Variants in LTV1 observed in about 807,000 individuals in gnomAD.
LTV1 encodes the protein LTV1 ribosome biogenesis factor.
LTV1 carries 39 observed loss-of-function variants against 59.9 expected under a neutral mutation model. The observed-to-expected ratio is 0.65, with a 90% CI of 0.50 to 0.85. The LOEUF (loss-of-function observed/expected upper bound fraction) is 0.85, where lower values mean the gene tolerates loss of function less well. LTV1 is among the 40% of genes least tolerant of loss of function. The pLI is 0.00. For missense variants in LTV1, 493 were observed against 549.1 expected (o/e 0.90, Z 1.02); for synonymous variants, 171 against 189.5 (o/e 0.90, Z 0.80).
At chr6:143,847,256 G>C (rs1776909150) in intron 3 of LTV1, among the ~76,000 whole-genome samples, 1 of 152,214 alleles carries the variant, frequency 6.6e-6, no homozygotes. Flanking sequence ...ACCTATTGAA[G>C]GAGAGAAGGG....
intron 1 of LTV1, among the ~76,000 whole-genome samples, chr6:143,844,226 G>A (rs557958001): frequency 6.6e-6 from 1 of 152,320 alleles, no homozygotes; most frequent in East Asian, 1.9e-4. Context: ...TAAGAACAGG[G>A]ACTTTATCTG....
At chr6:143,844,460 ATTG>A (rs757093638) in intron 1 of LTV1, 23 bp from the exon 2 acceptor site, 3 of 1,610,680 alleles carry the variant, frequency 1.9e-6, no homozygotes, top group South Asian at 1.1e-5. Flanking sequence ...GTTTTAATTA[ATTG>A]TTGTGATTTT....
At chr6:143,845,364 A>G (rs919953043) in intron 2 of LTV1, among the ~76,000 whole-genome samples, 3 of 152,060 alleles carry the variant, frequency 2.0e-5, no homozygotes, top group Non-Finnish European at 2.9e-5. Flanking sequence ...TTTTTTGCAT[A>G]TAAATACAAG....
chr6:143,862,231 G>A lies in LTV1; in HGVS notation c.1051G>A (p.Glu351Lys). The part of the protein sequence containing the change: ...LEEAKEKWDC[E>K]SICSTYSNLY... ...AGAAGCCAAAGAGAAGTGGGATTGT[G>A]AATCTATTTGTAGTAAGTATATTCA... Residue 351 changes from glutamate (E) to lysine (K), a missense_variant, in exon 8 of 11, where the codon GAA becomes AAA. By Grantham distance (56) the Glu-to-Lys change is moderately conservative. Coordinates refer to ENST00000367576, the MANE Select transcript of LTV1 (RefSeq NM_032860.5). This position sits in a 1 kb window ranked among gnomAD's most constrained non-coding sequence, Gnocchi z 4.2. 6.2e-7 allele frequency: 1 copy of A among 1,612,654 alleles called. No homozygotes were observed. Among genetic ancestry groups the A allele is most frequent in the South Asian group, 1.1e-5 (1 of 91,038 alleles).
At chr6:143,861,582 G>C (rs897699058) in intron 7 of LTV1, among the ~76,000 whole-genome samples, 1 of 151,914 alleles carries the variant, frequency 6.6e-6, no homozygotes, top group Non-Finnish European at 1.5e-5. Context: ...TTTACATCTC[G>C]TGGAAAGACA....
intron 4 of LTV1, among the ~76,000 whole-genome samples, chr6:143,852,324 GTGA>G (rs1289797614): frequency 3.3e-5 from 5 of 152,246 alleles, no homozygotes; most frequent in African/African-American, 9.6e-5. Flanking sequence ...ATAATGACCA[GTGA>G]TGATGAGCTT....
chr6:143,849,104 A>T (rs932713873), intron 3 of LTV1, among the ~76,000 whole-genome samples: 5 of 152,188 alleles, frequency 3.3e-5, no homozygotes, highest in Non-Finnish European at 4.4e-5. Context: ...CTATTAAAGG[A>T]GCTTAATCTC....
At chr6:143,861,321 C>A (rs1173518301) in intron 7 of LTV1, among the ~76,000 whole-genome samples, 1 of 150,692 alleles carries the variant, frequency 6.6e-6, no homozygotes, top group Non-Finnish European at 1.5e-5. Flanking sequence ...ACCTGTAATC[C>A]CAGCTGTTTG....
intron 4 of LTV1, among the ~76,000 whole-genome samples, chr6:143,851,468 A>C (rs751618204): frequency 1.3e-5 from 2 of 152,210 alleles, no homozygotes; most frequent in Non-Finnish European, 2.9e-5. Context: ...TTCTTCTTGC[A>C]GACAAAAGCT....
intron 1 of LTV1, 100 bp downstream of exon 1, chr6:143,843,580 C>A (rs186357791): frequency 1.3e-6 from 2 of 1,481,946 alleles, no homozygotes; most frequent in South Asian, 2.3e-5. Flanking sequence ...GGGTCTGGGT[C>A]ATGCCAGAGG....
intron 6 of LTV1, chr6:143,858,208 AAAGG>A (rs1777111134): frequency 1.6e-6 from 1 of 609,134 alleles, no homozygotes; most frequent in African/African-American, 1.8e-5. Context: ...CAAAGACTGC[AAAGG>A]GAGCATAGAA....
chr6:143,849,073 T>C (rs1776941450), intron 3 of LTV1, among the ~76,000 whole-genome samples: 1 of 152,002 alleles, frequency 6.6e-6, no homozygotes, highest in Non-Finnish European at 1.5e-5. Flanking sequence ...TGTCAGAAAC[T>C]CAAGAAGGTC....
intron 6 of LTV1, among the ~76,000 whole-genome samples, chr6:143,859,380 T>C (rs1777126479): frequency 6.6e-6 from 1 of 152,194 alleles, no homozygotes; most frequent in African/African-American, 2.4e-5. Flanking sequence ...ATTATGTATG[T>C]TATATATAGA....
In LTV1 at chr6:143,862,995, T is replaced by C. The variant is rs1777196237; in HGVS notation, c.1117-91T>C. ...CTTTTTATCTTTATGGCTAGAGTGA[T>C]ATTAGAAAAAGCATCAACAGTATGT... On this transcript the variant is annotated intron_variant, in intron 9 of 10. Transcript: ENST00000367576. This position sits in a 1 kb window ranked among gnomAD's most constrained non-coding sequence, Gnocchi z 4.2. The C allele has an allele frequency of 5.5e-6, 8 of 1,448,404 alleles. No individual in the cohort carries two copies. In the East Asian group the frequency reaches 1.8e-4, roughly 33 times the overall value. 89.7% of individuals were successfully genotyped at this position (1,448,404 alleles called of 1,614,324 possible). A position where few individuals can be genotyped will look rare whatever the true frequency, so the allele number is the denominator to read the frequency against.
rs1406671012 is a variant in LTV1 at position 143,858,013 on chromosome 6, G to T, written c.795+6G>T. 22 of 1,613,710 alleles carry T rather than the reference G, an allele frequency of 1.4e-5. No homozygotes were observed. The highest frequency in any genetic ancestry group is 1.8e-5 in the Non-Finnish European group (21 of 1,179,944). On this transcript the variant is annotated splice_donor_region_variant and intron_variant, in intron 6 of 10. Coordinates refer to ENST00000367576, the MANE Select transcript of LTV1 (RefSeq NM_032860.5). Reference sequence around the variant, plus strand: ...ATGATGAGAGGTTTGAGAAGGTAAGGTCCCCACATAAGGGATGCTTTAGTA... The same window carrying T: ...ATGATGAGAGGTTTGAGAAGGTAAGTTCCCCACATAAGGGATGCTTTAGTA...
Position 143,862,847 on chromosome 6 carries a change from C to A in LTV1, c.1067C>A (p.Thr356Lys), listed in dbSNP as rs754163185. 6.4e-6 allele frequency: 10 copies of A among 1,561,530 alleles called. No homozygotes were observed. The highest frequency in any genetic ancestry group is 8.8e-6 in the Non-Finnish European group (10 of 1,132,348). The change falls in exon 9 of 11, where the codon ACA becomes AAA. Residue 356 changes from threonine (T) to lysine (K), a missense_variant. Thr to Lys is a moderately conservative substitution (Grantham distance 78). Transcript: ENST00000367576. The surrounding 1 kb of genome is among the most constrained non-coding windows in gnomAD (Gnocchi z 4.2). ...EKWDCESICS[T>K]YSNLYNHPQL... ...TGACTTTTATTTGTTTGTTTAGGTA[C>A]ATACTCAAATTTATATAACCATCCA... is the stretch of plus-strand genomic sequence containing the variant.
Position 143,863,486 on chromosome 6 carries a change from C to A in LTV1, c.1387C>A (p.Leu463Met), listed in dbSNP as rs1027671342. 8 of 1,613,596 alleles carry A rather than the reference C, an allele frequency of 5.0e-6. No individual in the cohort carries two copies. The highest frequency in any genetic ancestry group is 6.8e-6 in the Non-Finnish European group (8 of 1,179,838). The change falls in exon 11 of 11, where the codon CTG (leucine) becomes ATG (methionine). Residue 463 changes from leucine (L) to methionine (M), a missense_variant. Physicochemically the swap from Leu to Met is conservative, Grantham distance 15. Transcript: ENST00000367576. The surrounding 1 kb of genome is among the most constrained non-coding windows in gnomAD (Gnocchi z 4.5). Reference sequence around the variant, plus strand: ...GGAGAAAAGAAGGCAAGAAAAAGAGCTGCTGAACTTGAAGAAGAATGTTGA... The same window carrying A: ...GGAGAAAAGAAGGCAAGAAAAAGAGATGCTGAACTTGAAGAAGAATGTTGA... ...KLEKRRQEKE[L>M]LNLKKNVEGL... is the part of the protein sequence containing the mutation.
rs1425911632 is a variant in LTV1, at chr6:143,846,158, T to C, written c.243T>C (p.Leu81=). The change falls in exon 3 of 11, where the codon CTT becomes CTC. Residue 81 remains leucine, a synonymous_variant. Coordinates refer to ENST00000367576, the MANE Select transcript of LTV1 (RefSeq NM_032860.5). ...AGGAACCATCTGGGCCTTCAGAGCT[T>C]ATTCCCTCAAGTACCTTCAGTGCAC... ...HLKEPSGPSE[L]IPSSTFSAHN... 1 of 1,614,082 alleles carries C rather than the reference T, an allele frequency of 6.2e-7. No individual in the cohort carries two copies. The highest frequency in any genetic ancestry group is 1.3e-5 in the African/African-American group (1 of 74,940).
At chr6:143,844,698 T>C (rs1776861792) in intron 2 of LTV1, 81 bp downstream of exon 2, 2 of 1,412,792 alleles carry the variant, frequency 1.4e-6, no homozygotes, top group African/African-American at 3.0e-5. Context: ...ATAAATAGAG[T>C]CTTAGCACGT....
Sources: gnomAD v4.1 joint callset for allele counts (sites outside exome capture counted in the v4.1 genomes callset) on GRCh38, gnomAD v4.1.1 for gene constraint, Gnocchi (gnomAD v3.1) non-coding constraint, MANE v1.5 for transcripts, NCBI Gene and HGNC (gene_info 2026-07-23, HGNC 2026-07-21) for gene names.